The following EYS variants were observed in gnomAD, a reference collection of about 807,000 sequenced individuals.
EYS encodes the protein EGF-like photoreceptor maintenance factor.
In EYS, 250 loss-of-function variants were observed where a neutral mutation model predicts 282.1. That is an observed-to-expected ratio of 0.89 (90% CI 0.80 to 0.98). The LOEUF (loss-of-function observed/expected upper bound fraction) is 0.98. EYS is among the 50% of genes least tolerant of loss of function. The probability of loss-of-function intolerance (pLI) is 0.00; values close to 1 mark genes in which losing one functional copy is unlikely to be tolerated. For missense variants in EYS, 4,016 were observed against 3,709.0 expected, an observed-to-expected ratio of 1.08 and a Z score of -2.15; for synonymous variants, 1,355 against 1,282.9, an observed-to-expected ratio of 1.06 and a Z score of -1.20.
intron 31 of EYS, among the ~76,000 whole-genome samples, chr6:64,155,123 G>A (rs1281932022): frequency 2.0e-5 from 3 of 152,164 alleles, no homozygotes. Context: ...GAGGCGGTCT[G>A]TGAAGGATAA....
rs919157306 is a variant in EYS at position 63,762,478 on chromosome 6, C to T, written c.8054G>A (p.Gly2685Glu). The T allele has an allele frequency of 9.2e-5, 142 of 1,549,818 alleles. No individual in the cohort carries two copies. Among genetic ancestry groups the T allele is most frequent in the Non-Finnish European group, 1.2e-4 (139 of 1,145,828 alleles). Residue 2685 changes from glycine to glutamate, a missense_variant, in exon 41 of 43, where the codon GGA becomes GAA. Transcript: ENST00000503581. ...TGCCTCACCTTGTTCACAGTAGATT[C>T]CAGTGGTTCCTAGAGGACAGAAACA... Reference protein sequence around the residue: ...YTCFCPLGTTGIYCEQALSIS... With the variant: ...YTCFCPLGTTEIYCEQALSIS...
chr6:65,052,079 A>G (rs972432743), intron 13 of EYS, among the ~76,000 whole-genome samples: 1 of 151,558 alleles, frequency 6.6e-6, no homozygotes, highest in African/African-American at 2.4e-5. Context: ...CATTAGTTTT[A>G]GAATTTAAAA....
At chr6:64,053,121 C>G (rs1206008645) in intron 33 of EYS, among the ~76,000 whole-genome samples, 1 of 151,918 alleles carries the variant, frequency 6.6e-6, no homozygotes, top group Non-Finnish European at 1.5e-5. Flanking sequence ...ATAACTTTTT[C>G]TACCCCCTTT....
intron 22 of EYS, among the ~76,000 whole-genome samples, chr6:64,667,102 C>A (rs1449259223): frequency 6.6e-6 from 1 of 151,386 alleles, no homozygotes; most frequent in Non-Finnish European, 1.5e-5. Context: ...ACACCAAGAA[C>A]TTTCCCTATA....
chr6:63,825,943 A>G (rs1459375746), intron 36 of EYS, among the ~76,000 whole-genome samples: 4 of 152,240 alleles, frequency 2.6e-5, no homozygotes, highest in Non-Finnish European at 5.9e-5. Flanking sequence ...TATTAAGTGA[A>G]TCAGGGAAGG....
chr6:65,486,352 A>G (rs928370950), intron 5 of EYS, among the ~76,000 whole-genome samples: 2 of 152,196 alleles, frequency 1.3e-5, no homozygotes, highest in African/African-American at 4.8e-5. Flanking sequence ...TTAAGTCTCT[A>G]AAGAATGACT....
chr6:64,149,822 T>G (rs1774641378), intron 31 of EYS, among the ~76,000 whole-genome samples: 2 of 152,218 alleles, frequency 1.3e-5, no homozygotes, highest in Admixed American at 1.3e-4. Context: ...CAGATCACCT[T>G]GTCTCTTACT....
intron 23 of EYS, among the ~76,000 whole-genome samples, chr6:64,623,732 A>C (rs1207113392): frequency 1.3e-5 from 2 of 152,084 alleles, no homozygotes; most frequent in Non-Finnish European, 1.5e-5. Flanking sequence ...GCATGAGAAA[A>C]TTTTGGAGGA....
intron 29 of EYS, among the ~76,000 whole-genome samples, chr6:64,313,168 C>T (rs1039702399): frequency 6.6e-6 from 1 of 152,158 alleles, no homozygotes; most frequent in African/African-American, 2.4e-5. Context: ...CTAGAATAAC[C>T]AGTTTAGAGA....
At chr6:64,704,643 A>G (rs1770937806) in intron 22 of EYS, among the ~76,000 whole-genome samples, 1 of 151,708 alleles carries the variant, frequency 6.6e-6, no homozygotes, top group South Asian at 2.1e-4. Context: ...CAAGTGAAAT[A>G]TCGGTTATGA....
At chr6:65,591,652 C>G (rs1318470333) in intron 2 of EYS, among the ~76,000 whole-genome samples, 1 of 151,916 alleles carries the variant, frequency 6.6e-6, no homozygotes, top group Non-Finnish European at 1.5e-5. Context: ...TTCACCCACA[C>G]ATTATATGCA....
chr6:64,827,102 T>A (rs1038232478), intron 19 of EYS, among the ~76,000 whole-genome samples: 1 of 151,874 alleles, frequency 6.6e-6, no homozygotes, highest in Admixed American at 6.6e-5. Context: ...GCTATATTTT[T>A]AAAAATCTCT....
chr6:65,070,808 T>A (rs1181342220), intron 12 of EYS, among the ~76,000 whole-genome samples: 1 of 151,892 alleles, frequency 6.6e-6, no homozygotes, highest in African/African-American at 2.4e-5. Flanking sequence ...CCCACTCAAC[T>A]GTAAACAGAA....
intron 28 of EYS, among the ~76,000 whole-genome samples, chr6:64,409,931 T>C (rs985983814): frequency 5.3e-5 from 8 of 152,136 alleles, no homozygotes; most frequent in African/African-American, 1.7e-4. Flanking sequence ...TTAATTTATT[T>C]AGGGGTAAGT....
At chr6:64,973,029 C>T (rs1418682686) in intron 14 of EYS, among the ~76,000 whole-genome samples, 2 of 151,964 alleles carry the variant, frequency 1.3e-5, no homozygotes, top group African/African-American at 4.8e-5. Flanking sequence ...TATCAGGTAT[C>T]ATTTTAAAAT....
chr6:65,171,513 C>T (rs982848684), intron 12 of EYS, among the ~76,000 whole-genome samples: 5 of 150,892 alleles, frequency 3.3e-5, no homozygotes, highest in African/African-American at 4.9e-5. Flanking sequence ...AATGTAAGAC[C>T]CAAAATGCCA....
At chr6:65,390,707 G>T (rs1562145306) in intron 7 of EYS, among the ~76,000 whole-genome samples, 1 of 151,736 alleles carries the variant, frequency 6.6e-6, no homozygotes, top group Non-Finnish European at 1.5e-5. Context: ...AACATAGTAA[G>T]ACCCCATATC....
At chr6:65,343,026 G>A (rs1770256188) in intron 10 of EYS, among the ~76,000 whole-genome samples, 1 of 151,000 alleles carries the variant, frequency 6.6e-6, no homozygotes, top group African/African-American at 2.4e-5. Context: ...GTATAGTGAT[G>A]TATATGTGAT....
chr6:64,176,983 C>A (rs1204075426), intron 31 of EYS, among the ~76,000 whole-genome samples: 1 of 149,856 alleles, frequency 6.7e-6, no homozygotes, highest in Non-Finnish European at 1.5e-5. Flanking sequence ...TTTGAAAATT[C>A]TCCCTCCTTT....
Sources: gnomAD v4.1 joint callset for allele counts (sites outside exome capture counted in the v4.1 genomes callset) on GRCh38, gnomAD v4.1.1 for gene constraint, MANE v1.5 for transcripts, NCBI Gene and HGNC (gene_info 2026-07-23, HGNC 2026-07-21) for gene names.